PLB1: variants seen among roughly 807,000 people sequenced by gnomAD.
The protein encoded by PLB1 is phospholipase B1.
Under a neutral mutation model 227.4 loss-of-function variants are expected in PLB1, and 242 were observed. The ratio of observed to expected loss-of-function variants is 1.06; its 90% CI spans 0.96 to 1.18. The LOEUF (loss-of-function observed/expected upper bound fraction) is 1.18. Ranked by LOEUF, PLB1 falls within the 50% of genes most tolerant of loss-of-function variation. The pLI, the probability that PLB1 is intolerant of heterozygous loss-of-function variation, is 0.00. For synonymous variants in PLB1, 757 were observed against 682.2 expected (o/e 1.11, Z -1.71); for missense variants, 1,858 against 1,816.3 (o/e 1.02, Z -0.42).
chr2:28,547,653 G>A (rs1429403213), intron 14 of PLB1, among the ~76,000 whole-genome samples: 1 of 152,146 alleles, frequency 6.6e-6, no homozygotes, highest in African/African-American at 2.4e-5. Flanking sequence ...CCTTGGCAGA[G>A]TCATTGGAAG....
Position 28,618,501 on chromosome 2 carries a change from C to G in PLB1, c.3315+102C>G, listed in dbSNP as rs564789769. 4.8e-6 allele frequency: 6 copies of G among 1,250,412 alleles called. No homozygotes were observed. In the Admixed American group the frequency reaches 8.9e-5, roughly 19 times the overall value. The allele number at this position is 1,250,412 out of a possible 1,614,324, so 77.5% of individuals were successfully genotyped here. ...CATTGGCTCCGCTTTCAGTGCTGAG[C>G]CCGTGTTACTGAGGGCCTACCCATG... is the stretch of plus-strand genomic sequence containing the variant. On this transcript the variant is annotated intron_variant, in intron 46 of 57. Transcript: ENST00000327757.
intron 20 of PLB1, among the ~76,000 whole-genome samples, chr2:28,570,158 A>G (rs146714722): frequency 1.6e-4 from 24 of 152,310 alleles, no homozygotes; most frequent in African/African-American, 5.5e-4. Flanking sequence ...AGAGGAAGGA[A>G]TGCTTCACAA....
intron 4 of PLB1, among the ~76,000 whole-genome samples, chr2:28,524,844 CTTTTTTTTT>C (rs779955635): frequency 8.4e-5 from 9 of 106,598 alleles, no homozygotes; most frequent in East Asian, 2.9e-4. Context: ...CTCTCTCTCT[CTTTTTTTTT>C]TTTTTTTTTT....
At chr2:28,628,700 C>T (rs1688163299) in intron 52 of PLB1, 72 bp downstream of exon 52, 2 of 1,447,750 alleles carry the variant, frequency 1.4e-6, no homozygotes, top group East Asian at 2.3e-5. Context: ...AGGCTGTGTT[C>T]AGTGAGATGC....
In PLB1 at chr2:28,598,517, G is replaced by C. The variant is rs111395138; in HGVS notation, c.2366-135G>C. 10,653 of 685,154 alleles carry C rather than the reference G, an allele frequency of 0.016. 777 individuals carry two copies. In the African/African-American group the frequency reaches 0.16, roughly 11 times the overall value. The allele number at this position is 685,154 out of a possible 1,614,324, so 42.4% of individuals were successfully genotyped here. A position where few individuals can be genotyped will look rare whatever the true frequency, so the allele number is the denominator to read the frequency against. Reference sequence around the variant, plus strand: ...CCAGCTTATGTCCAGGACACACACTGCCTCCCTGCCTCTCCCCAGGAAGCA... The same window carrying C: ...CCAGCTTATGTCCAGGACACACACTCCCTCCCTGCCTCTCCCCAGGAAGCA... On this transcript the variant is annotated intron_variant, in intron 34 of 57. Coordinates refer to ENST00000327757, the MANE Select transcript of PLB1 (RefSeq NM_153021.5).
rs769926342 is a variant in PLB1 at position 28,620,956 on chromosome 2, G to A, written c.3505G>A (p.Ala1169Thr). The A allele has an allele frequency of 1.9e-6, 3 of 1,613,216 alleles. No individual in the cohort carries two copies. ...TWEGTAGLNV[A>T]AEGARARDMP... The stretch of plus-strand genomic sequence containing the variant: ...GGAGGGGACAGCAGGACTAAATGTG[G>A]CAGCGGAAGGGGCCAGAGCTAGGTG... The change falls in exon 49 of 58, where the codon GCA becomes ACA. Residue 1169 changes from alanine to threonine, a missense_variant. Physicochemically the swap from Ala to Thr is moderately conservative, Grantham distance 58. Coordinates refer to ENST00000327757, the MANE Select transcript of PLB1 (RefSeq NM_153021.5).
At position 28,538,299 on chromosome 2, in the gene PLB1, G is replaced by C; in HGVS notation, c.556-20G>C. ...GTCCTCCTGCAGGCACCCTCACTTAGCACGGTTCTCCTCTCACAGAATGGG... is the reference window on the plus strand; with the variant it reads ...GTCCTCCTGCAGGCACCCTCACTTACCACGGTTCTCCTCTCACAGAATGGG... On this transcript the variant is annotated intron_variant, in intron 9 of 57. Transcript: ENST00000327757. 6.2e-7 allele frequency: 1 copy of C among 1,614,140 alleles called. No individual in the cohort carries two copies. Among genetic ancestry groups the C allele is most frequent in the Non-Finnish European group, 8.5e-7 (1 of 1,180,028 alleles).
chr2:28,540,685 G>A (rs1436175411), intron 12 of PLB1, among the ~76,000 whole-genome samples: 1 of 152,128 alleles, frequency 6.6e-6, no homozygotes, highest in Admixed American at 6.6e-5. Context: ...GGACAGTGGG[G>A]GTACTTGAGG....
rs576518829 is a variant in PLB1 at position 28,618,388 on chromosome 2, G to A, written c.3304G>A (p.Asp1102Asn). ...CATCAAAGTGGTGGCCGCCCTGGGTGACTCTCTGACTGTGAGTAGTGAGCC... is the reference window on the plus strand; with the variant it reads ...CATCAAAGTGGTGGCCGCCCTGGGTAACTCTCTGACTGTGAGTAGTGAGCC... The part of the protein sequence containing the change: ...ADIKVVAALG[D>N]SLTTAVGARP... The change falls in exon 46 of 58, where the codon GAC (aspartate) becomes AAC (asparagine). Residue 1102 changes from aspartate to asparagine, a missense_variant. Asp to Asn is a conservative substitution (Grantham distance 23). Coordinates refer to ENST00000327757, the MANE Select transcript of PLB1 (RefSeq NM_153021.5). 6.2e-7 allele frequency: 1 copy of A among 1,614,112 alleles called. No individual in the cohort carries two copies. The highest frequency in any genetic ancestry group is 1.1e-5 in the South Asian group (1 of 91,078).
chr2:28,507,103 G>C (rs1667718333), intron 1 of PLB1, among the ~76,000 whole-genome samples: 1 of 152,298 alleles, frequency 6.6e-6, no homozygotes, highest in African/African-American at 2.4e-5. Context: ...GGTGAAGCTA[G>C]AGCTGCTGCT....
chr2:28,626,303 C>A, intron 50 of PLB1, 125 bp from the exon 51 acceptor site: 1 of 728,568 alleles, frequency 1.4e-6, no homozygotes, highest in Non-Finnish European at 2.3e-6. Flanking sequence ...GCCCAATTTG[C>A]TGCTTTTCTC....
intron 1 of PLB1, among the ~76,000 whole-genome samples, chr2:28,515,866 G>C (rs1668790618): frequency 6.6e-6 from 1 of 152,162 alleles, no homozygotes; most frequent in East Asian, 1.9e-4. Context: ...TGTAGCTATT[G>C]AAATAAGCAT....
chr2:28,579,829 A>G (rs1459460842), intron 23 of PLB1, 122 bp downstream of exon 23: 12 of 821,910 alleles, frequency 1.5e-5, no homozygotes, highest in Non-Finnish European at 2.3e-5. Flanking sequence ...TTTGTCTTGG[A>G]TCCAGCCTGG....
intron 8 of PLB1, among the ~76,000 whole-genome samples, chr2:28,530,363 T>G (rs888427141): frequency 1.3e-5 from 2 of 152,184 alleles, no homozygotes; most frequent in Non-Finnish European, 2.9e-5. Context: ...TTTTTCTGTT[T>G]ATGAAATGGG....
chr2:28,609,881 C>T (rs1277243402), intron 43 of PLB1, among the ~76,000 whole-genome samples: 2 of 152,154 alleles, frequency 1.3e-5, no homozygotes, highest in African/African-American at 4.8e-5. Context: ...CCCACTGCCA[C>T]TGCAGGGGCT....
At chr2:28,637,694 C>T (rs779964999) in intron 56 of PLB1, among the ~76,000 whole-genome samples, 5 of 152,222 alleles carry the variant, frequency 3.3e-5, no homozygotes, top group Non-Finnish European at 2.9e-5. Context: ...ACTCCAGCAG[C>T]GTCCTGCACC....
chr2:28,557,621 C>G (rs1281891497), intron 17 of PLB1, among the ~76,000 whole-genome samples: 1 of 152,126 alleles, frequency 6.6e-6, no homozygotes, highest in African/African-American at 2.4e-5. Flanking sequence ...TGTGATGCTT[C>G]GTCATGGCTT....
intron 6 of PLB1, among the ~76,000 whole-genome samples, chr2:28,527,081 G>C (rs759183156): frequency 2.0e-5 from 3 of 152,142 alleles, no homozygotes; most frequent in African/African-American, 4.8e-5. Flanking sequence ...GAAGTGGTAG[G>C]AAAAAAGAAG....
chr2:28,629,209 A>G (rs781537907), intron 53 of PLB1, 24 bp downstream of exon 53: 1 of 1,607,968 alleles, frequency 6.2e-7, no homozygotes, highest in African/African-American at 1.3e-5. Flanking sequence ...TCACCGTCCC[A>G]AGGCAAGGGC....
Sources: gnomAD v4.1 joint callset for allele counts (sites outside exome capture counted in the v4.1 genomes callset) on GRCh38, gnomAD v4.1.1 for gene constraint, MANE v1.5 for transcripts, NCBI Gene and HGNC (gene_info 2026-07-23, HGNC 2026-07-21) for gene names.